KCNMB2: variants seen among roughly 807,000 people sequenced by gnomAD.
KCNMB2 encodes potassium calcium-activated channel subfamily M regulatory beta subunit 2, also known as calcium-activated potassium channel subunit beta-2.
Under a neutral mutation model 24.5 loss-of-function variants are expected in KCNMB2, and 9 were observed. That is an observed-to-expected ratio of 0.37 (90% CI 0.22 to 0.64). The LOEUF is 0.64. Ranked by LOEUF, KCNMB2 falls within the 30% of genes least tolerant of loss-of-function variation. The pLI is 0.63. For synonymous variants in KCNMB2, 109 were observed against 104.4 expected (o/e 1.04, Z -0.27); for missense variants, 226 against 284.3 (o/e 0.79, Z 1.47).
chr3:178,653,255 T>A (rs934903254), intron 1 of KCNMB2, among the ~76,000 whole-genome samples: 4 of 152,146 alleles, frequency 2.6e-5, no homozygotes, highest in Admixed American at 2.0e-4. Flanking sequence ...ATATTTTCTA[T>A]CTGATTTTTG....
chr3:178,839,849 A>G (rs1023012537), intron 4 of KCNMB2, among the ~76,000 whole-genome samples: 2 of 152,166 alleles, frequency 1.3e-5, no homozygotes, highest in Admixed American at 6.5e-5. Context: ...GGAGACACAG[A>G]GCCAAACCAT....
rs571388795 is a variant in KCNMB2 at position 178,632,561 on chromosome 3, G to C, written c.-68+95850G>C. ...TTGAGAGCTTACTATCATGAGAACA[G>C]CATGGTGGTAACTCCCCCTATGATT... On this transcript the variant is annotated intron_variant, in intron 1 of 4. Transcript: ENST00000452583. Among the ~76,000 whole-genome samples, 3 of 152,254 alleles carry C rather than the reference G, an allele frequency of 2.0e-5. No individual in the cohort carries two copies. The South Asian group carries it at 6.2e-4, about 32-fold the overall frequency.
intron 1 of KCNMB2, among the ~76,000 whole-genome samples, chr3:178,725,456 G>T (rs1722937330): frequency 6.6e-6 from 1 of 151,992 alleles, no homozygotes; most frequent in African/African-American, 2.4e-5. Context: ...AAACCCTAAA[G>T]ATTCTGCAAA....
intron 1 of KCNMB2, among the ~76,000 whole-genome samples, chr3:178,699,080 T>C (rs1721989180): frequency 6.6e-6 from 1 of 152,228 alleles, no homozygotes; most frequent in Non-Finnish European, 1.5e-5. Context: ...GTGGGGGCAA[T>C]GCAACCAGGG....
chr3:178,570,734 T>C (rs1716747867), intron 1 of KCNMB2, among the ~76,000 whole-genome samples: 1 of 152,000 alleles, frequency 6.6e-6, no homozygotes, highest in African/African-American at 2.4e-5. Flanking sequence ...TACAAAGAAA[T>C]GACTGTCAAG....
intron 1 of KCNMB2, among the ~76,000 whole-genome samples, chr3:178,570,564 C>G (rs1172853411): frequency 9.1e-6 from 1 of 109,872 alleles, no homozygotes; most frequent in Non-Finnish European, 1.9e-5. Flanking sequence ...TAAATGTTTC[C>G]TTTGTTAATA....
intron 1 of KCNMB2, among the ~76,000 whole-genome samples, chr3:178,541,275 CA>C (rs1166338479): frequency 6.6e-6 from 1 of 152,116 alleles, no homozygotes; most frequent in African/African-American, 2.4e-5. Context: ...ACTTCTATTT[CA>C]AAAAGGACAT....
intron 1 of KCNMB2, among the ~76,000 whole-genome samples, chr3:178,791,423 C>T (rs1713318371): frequency 6.6e-6 from 1 of 152,072 alleles, no homozygotes; most frequent in African/African-American, 2.4e-5. Flanking sequence ...TGTTTTAAAA[C>T]ACAGTCAGAG....
chr3:178,568,587 C>T (rs1481500514), intron 1 of KCNMB2, among the ~76,000 whole-genome samples: 1 of 152,078 alleles, frequency 6.6e-6, no homozygotes, highest in East Asian at 1.9e-4. Flanking sequence ...TTAATAGTCA[C>T]AGTACTTCAA....
At chr3:178,840,851 C>T (rs956339332) in intron 4 of KCNMB2, among the ~76,000 whole-genome samples, 12 of 152,218 alleles carry the variant, frequency 7.9e-5, no homozygotes, top group African/African-American at 2.9e-4. Flanking sequence ...GACATTTTCC[C>T]CATTGTGTTG....
intron 1 of KCNMB2, among the ~76,000 whole-genome samples, chr3:178,754,863 C>T (rs1039619779): frequency 6.6e-6 from 1 of 152,182 alleles, no homozygotes; most frequent in Admixed American, 6.6e-5. Context: ...TTGTTTAGCA[C>T]GTTTGGCCCT....
intron 1 of KCNMB2, among the ~76,000 whole-genome samples, chr3:178,701,983 G>A (rs528188291): frequency 1.7e-3 from 253 of 152,108 alleles, no homozygotes; most frequent in African/African-American, 5.7e-3. Flanking sequence ...ACATGCACAC[G>A]TACATTTATT....
intron 1 of KCNMB2, among the ~76,000 whole-genome samples, chr3:178,546,196 T>A (rs1382736782): frequency 1.3e-5 from 2 of 152,166 alleles, no homozygotes; most frequent in Non-Finnish European, 2.9e-5. Context: ...ATAGAACTGG[T>A]ACAAAGAAAA....
At chr3:178,813,220 T>G (rs918226233) in intron 2 of KCNMB2, among the ~76,000 whole-genome samples, 13 of 152,294 alleles carry the variant, frequency 8.5e-5, no homozygotes, top group African/African-American at 2.9e-4. Context: ...GAAATGGCAT[T>G]GAATTTATTG....
Position 178,724,416 on chromosome 3 carries a change from T to C in KCNMB2, c.-67-82927T>C, listed in dbSNP as rs1286568509. Among the ~76,000 whole-genome samples the C allele has an allele frequency of 3.9e-5, 6 of 152,290 alleles. No homozygotes were observed. The East Asian group carries it at 1.2e-3, about 29-fold the overall frequency. ...ATCTGGATATCAGTCCTTTGTCAGA[T>C]GCAGAGTTTGCAAATATTTTGTCCC... On this transcript the variant is annotated intron_variant, in intron 1 of 4. Coordinates refer to ENST00000452583, the MANE Select transcript of KCNMB2 (RefSeq NM_181361.3).
At chr3:178,658,178 G>T (rs1046473505) in intron 1 of KCNMB2, among the ~76,000 whole-genome samples, 2 of 152,186 alleles carry the variant, frequency 1.3e-5, no homozygotes, top group African/African-American at 4.8e-5. Context: ...TGATGACAAA[G>T]ACATAGATGA....
Position 178,634,165 on chromosome 3 carries a change from C to T in KCNMB2, c.-68+97454C>T, listed in dbSNP as rs183956800. ...CTCTAGAAAGTTCCAAACTTTCCCACATTTCCTATATTCTGAGCCCTTCAA... is the reference window on the plus strand; with the variant it reads ...CTCTAGAAAGTTCCAAACTTTCCCATATTTCCTATATTCTGAGCCCTTCAA... On this transcript the variant is annotated intron_variant, in intron 1 of 4. Transcript: ENST00000452583. 6.6e-5 allele frequency among the ~76,000 whole-genome samples: 10 copies of T among 152,318 alleles called. No individual in the cohort carries two copies. The East Asian group carries it at 1.7e-3, about 26-fold the overall frequency.
intron 1 of KCNMB2, among the ~76,000 whole-genome samples, chr3:178,797,834 T>A (rs536279057): frequency 5.3e-5 from 8 of 152,354 alleles, no homozygotes; most frequent in Non-Finnish European, 1.0e-4. Flanking sequence ...GTAGTTCTCC[T>A]CGAAGAGGTC....
intron 1 of KCNMB2, among the ~76,000 whole-genome samples, chr3:178,617,509 G>A (rs1446961097): frequency 6.6e-6 from 1 of 151,588 alleles, no homozygotes; most frequent in Non-Finnish European, 1.5e-5. Context: ...AGATTGGGCG[G>A]CAGAGAAGAC....
Sources: gnomAD v4.1 joint callset for allele counts (sites outside exome capture counted in the v4.1 genomes callset) on GRCh38, gnomAD v4.1.1 for gene constraint, MANE v1.5 for transcripts, NCBI Gene and HGNC (gene_info 2026-07-23, HGNC 2026-07-21) for gene names.